Variants in STAT4 observed in about 807,000 individuals in gnomAD.
STAT4 encodes signal transducer and activator of transcription 4.
In STAT4, 42 loss-of-function variants were observed where a neutral mutation model predicts 110.5. The observed-to-expected ratio is 0.38, with a 90% CI of 0.30 to 0.49. The LOEUF is 0.49. Ranked by LOEUF, STAT4 falls within the 20% of genes least tolerant of loss-of-function variation. The pLI is 0.95. For missense variants in STAT4, 632 were observed against 887.9 expected, an observed-to-expected ratio of 0.71 and a Z score of 3.66; for synonymous variants, 284 against 302.2, an observed-to-expected ratio of 0.94 and a Z score of 0.63.
chr2:191,087,675 T>G (rs923476379), intron 3 of STAT4, among the ~76,000 whole-genome samples: 4 of 152,076 alleles, frequency 2.6e-5, no homozygotes, highest in Non-Finnish European at 5.9e-5. Flanking sequence ...TTATTCTGAG[T>G]ATGTAATTTT....
At chr2:191,133,771 A>G (rs1477877827) in intron 3 of STAT4, among the ~76,000 whole-genome samples, 1 of 151,750 alleles carries the variant, frequency 6.6e-6, no homozygotes, top group East Asian at 1.9e-4. Context: ...TGATTCAGAA[A>G]TCATGCTTCT....
intron 3 of STAT4, 107 bp from the exon 4 acceptor site, chr2:191,076,432 G>A: frequency 2.5e-6 from 2 of 799,148 alleles, no homozygotes; most frequent in South Asian, 1.8e-5. Flanking sequence ...TATTAAATAT[G>A]TGAAATTACT....
At chr2:191,114,081 G>C (rs764565911) in intron 3 of STAT4, among the ~76,000 whole-genome samples, 4 of 152,142 alleles carry the variant, frequency 2.6e-5, no homozygotes, top group Non-Finnish European at 4.4e-5. Flanking sequence ...TTACAACTTA[G>C]GTAACTTTTT....
intron 3 of STAT4, among the ~76,000 whole-genome samples, chr2:191,106,078 C>A (rs533783549): frequency 2.0e-5 from 3 of 152,290 alleles, no homozygotes; most frequent in Non-Finnish European, 2.9e-5. Flanking sequence ...ACCGCCTCAA[C>A]TGAATCATCA....
In STAT4 at chr2:191,050,255, C is replaced by T. The variant is rs911270816; in HGVS notation, c.1251+4235G>A. 2.0e-5 allele frequency among the ~76,000 whole-genome samples: 3 copies of T among 152,170 alleles called. No homozygotes were observed. Among genetic ancestry groups the T allele is most frequent in the Admixed American group, 6.5e-5 (1 of 15,284 alleles). On this transcript the variant is annotated intron_variant, in intron 14 of 23. Transcript: ENST00000392320. The surrounding 1 kb of genome is among the most constrained non-coding windows in gnomAD (Gnocchi z 4.3). The stretch of plus-strand genomic sequence containing the variant: ...TAGCTGGCTCCCTGCTAGATAAGTA[C>T]CTCCAGGGAAAGGTTGCTTCCTGGG...
Position 191,110,777 on chromosome 2 carries a change from TTTTG to T in STAT4, c.274-34456_274-34453del, listed in dbSNP as rs747999120. ...ATTGAATTATATTTTATTTTTAAAT[TTTTG>T]TTTGTTTGTTTGTTTGTTTTGAGAT... On this transcript the variant is annotated intron_variant, in intron 3 of 23. Transcript: ENST00000392320. This position sits in a 1 kb window ranked among gnomAD's most constrained non-coding sequence, Gnocchi z 4.5. Among the ~76,000 whole-genome samples, 40 of 152,186 alleles carry T rather than the reference TTTTG, an allele frequency of 2.6e-4. No homozygotes were observed. The highest frequency in any genetic ancestry group is 3.5e-4 in the Non-Finnish European group (24 of 67,990).
chr2:191,055,556 T>C (rs536753603), intron 13 of STAT4, among the ~76,000 whole-genome samples: 15 of 151,712 alleles, frequency 9.9e-5, no homozygotes, highest in Admixed American at 5.2e-4. Context: ...GATTTCACCG[T>C]GTTAGCCAGG....
At chr2:191,120,920 T>C (rs567056019) in intron 3 of STAT4, among the ~76,000 whole-genome samples, 68 of 152,206 alleles carry the variant, frequency 4.5e-4, no homozygotes, top group African/African-American at 1.6e-3. Flanking sequence ...AATTGACAAA[T>C]GGGATCTCAT....
intron 3 of STAT4, among the ~76,000 whole-genome samples, chr2:191,123,359 CT>C (rs1698790238): frequency 6.6e-6 from 1 of 152,158 alleles, no homozygotes; most frequent in Non-Finnish European, 1.5e-5. Context: ...CACTTTAGTC[CT>C]TTCTCCTCTC....
chr2:191,080,145 C>G (rs1363715673), intron 3 of STAT4, among the ~76,000 whole-genome samples: 1 of 152,038 alleles, frequency 6.6e-6, no homozygotes, highest in Non-Finnish European at 1.5e-5. Context: ...ACCTTTATCT[C>G]TAGTAATGCT....
intron 3 of STAT4, among the ~76,000 whole-genome samples, chr2:191,097,601 C>A (rs1574152563): frequency 6.6e-6 from 1 of 152,178 alleles, no homozygotes. Flanking sequence ...CTTCCTTACA[C>A]CTTACACAAA....
At chr2:191,130,879 A>G (rs1699016619) in intron 3 of STAT4, among the ~76,000 whole-genome samples, 1 of 151,784 alleles carries the variant, frequency 6.6e-6, no homozygotes, top group Non-Finnish European at 1.5e-5. Flanking sequence ...TTAGATATGA[A>G]CAATGAGAGC....
chr2:191,119,274 T>A (rs1698655356), intron 3 of STAT4, among the ~76,000 whole-genome samples: 1 of 152,220 alleles, frequency 6.6e-6, no homozygotes, highest in Non-Finnish European at 1.5e-5. Flanking sequence ...GGTCATTCTT[T>A]GCCCTTTGAC....
intron 5 of STAT4, among the ~76,000 whole-genome samples, chr2:191,071,035 A>G (rs1159552921): frequency 6.6e-6 from 1 of 152,092 alleles, no homozygotes; most frequent in Non-Finnish European, 1.5e-5. Flanking sequence ...ATACTTATAA[A>G]CCTTAGAAAA....
rs1221459276 is a variant in STAT4 at position 191,062,731 on chromosome 2, T to C, written c.941+31A>G. On this transcript the variant is annotated intron_variant, in intron 9 of 23. Coordinates refer to ENST00000392320, the MANE Select transcript of STAT4 (RefSeq NM_003151.4). This position sits in a 1 kb window ranked among gnomAD's most constrained non-coding sequence, Gnocchi z 4.9. Reference sequence around the variant, plus strand: ...GGAAGGGTGTTCTTACTTCACAGAATGGAGGATGCCATTGATAGCACTTCA... The same window carrying C: ...GGAAGGGTGTTCTTACTTCACAGAACGGAGGATGCCATTGATAGCACTTCA... 6.2e-7 allele frequency: 1 copy of C among 1,612,280 alleles called. No individual in the cohort carries two copies. Among genetic ancestry groups the C allele is most frequent in the Admixed American group, 1.7e-5 (1 of 59,822 alleles).
intron 5 of STAT4, 105 bp from the exon 6 acceptor site, chr2:191,069,876 A>G: frequency 4.9e-6 from 4 of 809,250 alleles, no homozygotes; most frequent in East Asian, 5.2e-5. Flanking sequence ...CCAATCTCCA[A>G]CAGCAACCAA....
chr2:191,054,297 T>C (rs529773451), intron 14 of STAT4, among the ~76,000 whole-genome samples, 193 bp downstream of exon 14: 22 of 152,156 alleles, frequency 1.4e-4, no homozygotes, highest in Non-Finnish European at 3.2e-4. Flanking sequence ...GTTGATAACA[T>C]ATAATATGTT....
intron 3 of STAT4, among the ~76,000 whole-genome samples, chr2:191,094,917 C>CAAAAAAAAAAAAAAAAA (rs1165913847): frequency 5.1e-5 from 4 of 77,902 alleles, no homozygotes; most frequent in Admixed American, 1.5e-4. Context: ...AAATGGAAAG[C>CAAAAAAAAAAAAAAAAA]AAAAAAAAAA....
intron 3 of STAT4, among the ~76,000 whole-genome samples, chr2:191,093,512 A>G (rs896064573): frequency 2.0e-5 from 3 of 152,254 alleles, no homozygotes; most frequent in African/African-American, 7.2e-5. Context: ...TGTGAGAAGG[A>G]AAACTAACAA....
Sources: gnomAD v4.1 joint callset for allele counts (sites outside exome capture counted in the v4.1 genomes callset) on GRCh38, gnomAD v4.1.1 for gene constraint, Gnocchi (gnomAD v3.1) non-coding constraint, MANE v1.5 for transcripts, NCBI Gene and HGNC (gene_info 2026-07-23, HGNC 2026-07-21) for gene names.